Variants in SEC22A observed in about 807,000 individuals in gnomAD.
The protein encoded by SEC22A is SEC22 homolog A, vesicle trafficking protein, also known as vesicle-trafficking protein SEC22a.
Under a neutral mutation model 35.3 loss-of-function variants are expected in SEC22A, and 22 were observed. The observed-to-expected ratio is 0.62, with a 90% CI of 0.45 to 0.89. SEC22A has a LOEUF of 0.89. SEC22A is among the 40% of genes least tolerant of loss of function. The probability of loss-of-function intolerance (pLI) is 0.00; values close to 1 mark genes in which losing one functional copy is unlikely to be tolerated. For synonymous variants in SEC22A, 119 were observed against 129.5 expected, an observed-to-expected ratio of 0.92 and a Z score of 0.55; for missense variants, 354 against 362.5, an observed-to-expected ratio of 0.98 and a Z score of 0.19.
At position 123,272,311 on chromosome 3, in the gene SEC22A, C is replaced by T. The variant is rs1467430320; in HGVS notation, c.*589C>T. The T allele has an allele frequency of 1.3e-5, 2 of 152,332 alleles. No individual in the cohort carries two copies. Among genetic ancestry groups the T allele is most frequent in the African/African-American group, 4.8e-5 (2 of 41,426 alleles). The allele number at this position is 152,332 out of a possible 1,614,324, so 9.4% of individuals were successfully genotyped here. A position where few individuals can be genotyped will look rare whatever the true frequency, so the allele number is the denominator to read the frequency against. On this transcript the variant is annotated 3_prime_UTR_variant, in exon 7 of 7. Coordinates refer to ENST00000492595, the MANE Select transcript of SEC22A (RefSeq NM_012430.5). ...TGATGTAGAAGAAGACTGTGATGAG[C>T]TCGTCTGTGGAACATCACAAGTATC...
At position 123,209,253 on chromosome 3, in the gene SEC22A, CAG is replaced by C. The variant is rs1936898423; in HGVS notation, c.40_41del (p.Asp14TrpfsTer9). On this transcript the variant is annotated frameshift_variant, in exon 2 of 7. Coordinates refer to ENST00000492595, the MANE Select transcript of SEC22A (RefSeq NM_012430.5). LOFTEE classifies it high-confidence loss of function. ...TTTTATCTGCCTCAGTCATTCGTGTCAGAGATGGACTGCCACTTTCTGCTTCT... is the reference window on the plus strand; with the variant it reads ...TTTTATCTGCCTCAGTCATTCGTGTCAGATGGACTGCCACTTTCTGCTTCT... ...MILSASVIRV[R>X]DGLPLSASTD... is the part of the protein sequence containing the mutation. 1 of 1,613,946 alleles carries C rather than the reference CAG, an allele frequency of 6.2e-7. No individual in the cohort carries two copies. The highest frequency in any genetic ancestry group is 1.7e-5 in the Admixed American group (1 of 60,002).
intron 1 of SEC22A, among the ~76,000 whole-genome samples, chr3:123,204,154 C>T (rs1936807606): frequency 6.6e-6 from 1 of 152,162 alleles, no homozygotes; most frequent in Non-Finnish European, 1.5e-5. Context: ...AAAAAATTCT[C>T]CCCAAATTTT....
At chr3:123,234,517 T>C (rs1576493302) in intron 4 of SEC22A, among the ~76,000 whole-genome samples, 2 of 152,154 alleles carry the variant, frequency 1.3e-5, no homozygotes, top group East Asian at 3.8e-4. Context: ...GGTGAAAGAA[T>C]AGTCTTTTTG....
chr3:123,251,752 A>G (rs1937616425), intron 5 of SEC22A, among the ~76,000 whole-genome samples: 1 of 152,212 alleles, frequency 6.6e-6, no homozygotes. Flanking sequence ...GACCAAAAGT[A>G]GAAACTCCCA....
At chr3:123,202,418 C>T (rs1936765697) in intron 1 of SEC22A, among the ~76,000 whole-genome samples, 1 of 152,172 alleles carries the variant, frequency 6.6e-6, no homozygotes. Flanking sequence ...GGTGGCATTT[C>T]CTATTTCTTT....
intron 4 of SEC22A, among the ~76,000 whole-genome samples, chr3:123,234,891 C>T (rs1415010588): frequency 3.9e-5 from 6 of 151,932 alleles, no homozygotes; most frequent in Admixed American, 1.3e-4. Context: ...GGCGTGGTGG[C>T]GCACGCCTGT....
At chr3:123,271,291 G>A (rs1250111798) in intron 6 of SEC22A, among the ~76,000 whole-genome samples, 1 of 152,224 alleles carries the variant, frequency 6.6e-6, no homozygotes, top group South Asian at 2.1e-4. Flanking sequence ...GATACAAAAT[G>A]CTTTTCTTCT....
intron 6 of SEC22A, among the ~76,000 whole-genome samples, chr3:123,260,904 C>T (rs1192150900): frequency 2.0e-5 from 3 of 148,336 alleles, no homozygotes; most frequent in Non-Finnish European, 4.4e-5. Context: ...TGTGCGATCT[C>T]GGCTCACTGC....
chr3:123,239,754 A>G (rs1192400751), intron 4 of SEC22A, among the ~76,000 whole-genome samples: 1 of 152,076 alleles, frequency 6.6e-6, no homozygotes, highest in Non-Finnish European at 1.5e-5. Context: ...GTAGGTTGCG[A>G]AAATTTTCTC....
intron 4 of SEC22A, among the ~76,000 whole-genome samples, chr3:123,235,457 A>C (rs565944781): frequency 6.6e-6 from 1 of 152,370 alleles, no homozygotes; most frequent in East Asian, 1.9e-4. Context: ...CATTAGGGAA[A>C]TACAAAGCAA....
intron 1 of SEC22A, among the ~76,000 whole-genome samples, chr3:123,204,557 A>G (rs1936815011): frequency 6.6e-6 from 1 of 152,218 alleles, no homozygotes; most frequent in Non-Finnish European, 1.5e-5. Context: ...TACCCCTACA[A>G]GGTTCTGAAG....
At chr3:123,264,041 A>G (rs1937963206) in intron 6 of SEC22A, among the ~76,000 whole-genome samples, 1 of 151,854 alleles carries the variant, frequency 6.6e-6, no homozygotes, top group Non-Finnish European at 1.5e-5. Flanking sequence ...AGCTAGGACT[A>G]TAGATGTGTG....
intron 2 of SEC22A, among the ~76,000 whole-genome samples, chr3:123,218,574 A>C (rs1937071327): frequency 6.6e-6 from 1 of 152,192 alleles, no homozygotes; most frequent in African/African-American, 2.4e-5. Flanking sequence ...GAGTAATTCT[A>C]CCTGGCTCTT....
intron 2 of SEC22A, among the ~76,000 whole-genome samples, chr3:123,213,404 C>CAT (rs1936972739): frequency 6.6e-6 from 1 of 152,206 alleles, no homozygotes; most frequent in African/African-American, 2.4e-5. Flanking sequence ...GTAGCAACAT[C>CAT]ATAGCACAGC....
chr3:123,268,597 ACAT>A (rs780228766), intron 6 of SEC22A, among the ~76,000 whole-genome samples: 25 of 152,206 alleles, frequency 1.6e-4, no homozygotes, highest in African/African-American at 4.8e-5. Context: ...TAAGTTACAG[ACAT>A]CATGATATTT....
At chr3:123,207,604 T>A (rs747044244) in intron 1 of SEC22A, among the ~76,000 whole-genome samples, 2 of 152,238 alleles carry the variant, frequency 1.3e-5, no homozygotes, top group African/African-American at 2.4e-5. Context: ...AGTATGGGCC[T>A]TAGACAATAA....
chr3:123,228,859 C>G (rs1937263247), intron 4 of SEC22A, among the ~76,000 whole-genome samples: 1 of 151,766 alleles, frequency 6.6e-6, no homozygotes, highest in Admixed American at 6.6e-5. Context: ...AGTAAAATTA[C>G]TAAAATGAAA....
At chr3:123,223,344 A>G (rs1483349283) in intron 2 of SEC22A, among the ~76,000 whole-genome samples, 1 of 152,210 alleles carries the variant, frequency 6.6e-6, no homozygotes, top group Admixed American at 6.5e-5. Flanking sequence ...GTCCCTCTGT[A>G]GTACATTCTA....
chr3:123,270,373 A>G (rs1475314992), intron 6 of SEC22A, among the ~76,000 whole-genome samples: 4 of 152,250 alleles, frequency 2.6e-5, no homozygotes, highest in Non-Finnish European at 5.9e-5. Flanking sequence ...CATATTTAAC[A>G]GAACATTTCC....
Sources: gnomAD v4.1 joint callset for allele counts (sites outside exome capture counted in the v4.1 genomes callset) on GRCh38, gnomAD v4.1.1 for gene constraint, MANE v1.5 for transcripts, NCBI Gene and HGNC (gene_info 2026-07-23, HGNC 2026-07-21) for gene names.